TAFA1: variants seen among roughly 807,000 people sequenced by gnomAD.
TAFA1 encodes chemokine-like protein TAFA-1.
TAFA1 carries 4 observed loss-of-function variants against 18.5 expected under a neutral mutation model. The observed-to-expected ratio is 0.22, with a 90% CI of 0.11 to 0.49. The LOEUF (loss-of-function observed/expected upper bound fraction) is 0.49. Ranked by LOEUF, TAFA1 falls within the 20% of genes least tolerant of loss-of-function variation. The pLI is 0.98. For missense variants in TAFA1, 147 were observed against 169.0 expected (o/e 0.87, Z 0.72); for synonymous variants, 56 against 55.2 (o/e 1.01, Z -0.06).
At chr3:68,481,861 ATTC>A (rs1350598745) in intron 3 of TAFA1, among the ~76,000 whole-genome samples, 2 of 152,118 alleles carry the variant, frequency 1.3e-5, no homozygotes, top group African/African-American at 4.8e-5. Flanking sequence ...TCTTTGACTC[ATTC>A]TTCTTCATTT....
the TAFA1 span, among the ~76,000 whole-genome samples, chr3:67,992,758 T>C: frequency 2.6e-5 from 4 of 152,224 alleles, no homozygotes; most frequent in Non-Finnish European, 5.9e-5. Flanking sequence ...TCCTTCTCTC[T>C]CTCCATCTTC....
intron 3 of TAFA1, among the ~76,000 whole-genome samples, chr3:68,460,518 T>C (rs1167183182): frequency 6.6e-6 from 1 of 152,172 alleles, no homozygotes; most frequent in Non-Finnish European, 1.5e-5. Context: ...ATAAAATCAA[T>C]TGAACTATAT....
chr3:68,187,864 G>C (rs1282946853), intron 2 of TAFA1, among the ~76,000 whole-genome samples: 3 of 151,952 alleles, frequency 2.0e-5, no homozygotes, highest in Non-Finnish European at 2.9e-5. Context: ...ATTTTAGTGA[G>C]TATTATGGTA....
intron 2 of TAFA1, among the ~76,000 whole-genome samples, chr3:68,126,872 T>C (rs1233842386): frequency 6.6e-6 from 1 of 152,228 alleles, no homozygotes; most frequent in Non-Finnish European, 1.5e-5. Context: ...CCGCTTTCAA[T>C]ACACAAAGGT....
chr3:68,339,135 A>T (rs1475906541), intron 2 of TAFA1, among the ~76,000 whole-genome samples: 1 of 152,252 alleles, frequency 6.6e-6, no homozygotes, highest in African/African-American at 2.4e-5. Context: ...ATTAGTGTGG[A>T]TGCTGAGAGC....
chr3:68,312,081 G>A (rs1575768301), intron 2 of TAFA1, among the ~76,000 whole-genome samples: 1 of 152,192 alleles, frequency 6.6e-6, no homozygotes. Context: ...CATGACCTGA[G>A]TTCTACGTTG....
chr3:68,120,412 C>A (rs1559527813), intron 2 of TAFA1, among the ~76,000 whole-genome samples: 1 of 151,940 alleles, frequency 6.6e-6, no homozygotes, highest in African/African-American at 2.4e-5. Context: ...CTGCACCTGG[C>A]TAACTTTTAC....
intron 3 of TAFA1, among the ~76,000 whole-genome samples, chr3:68,484,148 T>C (rs568884054): frequency 1.3e-5 from 2 of 152,368 alleles, no homozygotes; most frequent in African/African-American, 4.8e-5. Flanking sequence ...AATATAAAAA[T>C]TATTAACGAG....
In TAFA1 at chr3:68,159,436, T is replaced by G. The variant is rs186889420; in HGVS notation, c.118+152692T>G. Among the ~76,000 whole-genome samples the G allele has an allele frequency of 6.6e-5, 10 of 152,340 alleles. No individual in the cohort carries two copies. The East Asian group carries it at 1.9e-3, about 29-fold the overall frequency. On this transcript the variant is annotated intron_variant, in intron 2 of 4. Transcript: ENST00000478136. ...TGCCAGAACGTCTGTGGTCAAACAA[T>G]TTAAGAAATTATTAGCAACACTTTC...
chr3:68,342,435 G>C (rs2069100512), intron 2 of TAFA1, among the ~76,000 whole-genome samples: 1 of 152,160 alleles, frequency 6.6e-6, no homozygotes, highest in Non-Finnish European at 1.5e-5. Flanking sequence ...CAGCAAGATG[G>C]AGTCAGTTAA....
chr3:68,060,042 T>G (rs1485411980), intron 2 of TAFA1, among the ~76,000 whole-genome samples: 4 of 151,556 alleles, frequency 2.6e-5, no homozygotes, highest in Admixed American at 2.0e-4. Flanking sequence ...AGGGGCTTGC[T>G]CCATGTATAA....
chr3:68,049,778 G>A (rs994043453), intron 2 of TAFA1, among the ~76,000 whole-genome samples: 1 of 152,060 alleles, frequency 6.6e-6, no homozygotes, highest in African/African-American at 2.4e-5. Context: ...CTTTTTAGGT[G>A]GTGAGGGGAA....
At chr3:68,097,913 C>T (rs2065105793) in intron 2 of TAFA1, among the ~76,000 whole-genome samples, 1 of 152,224 alleles carries the variant, frequency 6.6e-6, no homozygotes, top group Non-Finnish European at 1.5e-5. Context: ...CCCCCATTGT[C>T]ACGTAAATGA....
chr3:68,159,472 T>C (rs2065901163), intron 2 of TAFA1, among the ~76,000 whole-genome samples: 1 of 152,200 alleles, frequency 6.6e-6, no homozygotes, highest in African/African-American at 2.4e-5. Flanking sequence ...TGTAATTGAG[T>C]ATCCCCATTT....
chr3:68,214,020 A>G (rs549268077), intron 2 of TAFA1, among the ~76,000 whole-genome samples: 32 of 152,254 alleles, frequency 2.1e-4, no homozygotes, highest in Admixed American at 3.3e-4. Context: ...CTATGTATAT[A>G]TGTGTCTACT....
At chr3:68,283,180 C>T (rs1197299013) in intron 2 of TAFA1, among the ~76,000 whole-genome samples, 1 of 152,176 alleles carries the variant, frequency 6.6e-6, no homozygotes, top group Admixed American at 6.5e-5. Flanking sequence ...ACCCTGCACA[C>T]AAGCAGGAAT....
chr3:68,263,928 G>T (rs768076608), intron 2 of TAFA1, among the ~76,000 whole-genome samples: 7 of 152,146 alleles, frequency 4.6e-5, no homozygotes, highest in African/African-American at 1.7e-4. Context: ...ATTTACAAAT[G>T]AGAATGATTT....
intron 3 of TAFA1, among the ~76,000 whole-genome samples, chr3:68,466,328 G>A (rs748615177): frequency 1.3e-5 from 2 of 152,108 alleles, no homozygotes; most frequent in Non-Finnish European, 2.9e-5. Flanking sequence ...CTAATCTACA[G>A]TGGGCATAGA....
intron 2 of TAFA1, among the ~76,000 whole-genome samples, chr3:68,174,861 A>G (rs1015686851): frequency 1.3e-5 from 2 of 152,206 alleles, no homozygotes; most frequent in African/African-American, 4.8e-5. Flanking sequence ...GGTATGTCAG[A>G]GGTCTTCATG....
Sources: gnomAD v4.1 joint callset for allele counts (sites outside exome capture counted in the v4.1 genomes callset) on GRCh38, gnomAD v4.1.1 for gene constraint, MANE v1.5 for transcripts, NCBI Gene and HGNC (gene_info 2026-07-23, HGNC 2026-07-21) for gene names.